C16orf74: variants seen among roughly 807,000 people sequenced by gnomAD.
C16orf74 encodes the protein uncharacterized protein C16orf74.
Under a neutral mutation model 6.5 loss-of-function variants are expected in C16orf74, and 10 were observed. That is an observed-to-expected ratio of 1.54 (90% CI 0.95 to 2.61). The LOEUF (loss-of-function observed/expected upper bound fraction) is 2.61, where lower values mean the gene tolerates loss of function less well. Ranked by LOEUF, C16orf74 falls within the 30% of genes most tolerant of loss-of-function variation. C16orf74 has a pLI of 0.00. For missense variants in C16orf74, 141 were observed against 105.9 expected, an observed-to-expected ratio of 1.33 and a Z score of -1.45; for synonymous variants, 60 against 42.5, an observed-to-expected ratio of 1.41 and a Z score of -1.60.
Position 85,720,440 on chromosome 16 carries a change from G to C in C16orf74, c.29-10133C>G, listed in dbSNP as rs368138330. 5.3e-5 allele frequency among the ~76,000 whole-genome samples: 8 copies of C among 152,122 alleles called. 1 individual carries two copies. Among genetic ancestry groups the C allele is most frequent in the African/African-American group, 1.9e-4 (8 of 41,436 alleles). On this transcript the variant is annotated intron_variant, in intron 2 of 3. Transcript: ENST00000284245. ...GGGCGCTCTGGGAAGGCTGTGGAGGGTGTAGGTACAGTGTGGTGAGCCCAG... is the reference window on the plus strand; with the variant it reads ...GGGCGCTCTGGGAAGGCTGTGGAGGCTGTAGGTACAGTGTGGTGAGCCCAG...
At chr16:85,738,370 G>T (rs559034242) in intron 1 of C16orf74, among the ~76,000 whole-genome samples, 2 of 149,238 alleles carry the variant, frequency 1.3e-5, no homozygotes, top group African/African-American at 5.0e-5. Context: ...TGTTGCCCAG[G>T]CTGGAGTGCA....
chr16:85,734,888 C>G (rs991384417), intron 2 of C16orf74, among the ~76,000 whole-genome samples: 3 of 152,168 alleles, frequency 2.0e-5, no homozygotes, highest in African/African-American at 4.8e-5. Context: ...CTGGCTCCTT[C>G]GCAAAGGCCT....
At chr16:85,711,623 CAAAAAAA>C (rs57336507) in intron 2 of C16orf74, among the ~76,000 whole-genome samples, 36,425 of 111,486 alleles carry the variant, frequency 0.33, 5,435 homozygotes, top group Non-Finnish European at 0.42. Flanking sequence ...AACTCTGTCT[CAAAAAAA>C]AAAAAAAAAA....
intron 1 of C16orf74, chr16:85,743,474 A>G (rs1469754355): frequency 6.6e-6 from 1 of 152,208 alleles, no homozygotes; most frequent in African/African-American, 2.4e-5. Flanking sequence ...AGCGACTCCC[A>G]GCACCCAGGG....
rs779183719 is a variant in C16orf74, at chr16:85,710,228, G to A, written c.108C>T (p.Pro36=). ...GGGTGGGGGGCGTGATGATGATGTC[G>A]GGCACGTCCAGGTGCTTGTCGTTCA... ...PVLNDKHLDV[P]DIIITPPTPT... The change falls in exon 3 of 4, where the codon CCC becomes CCT. Residue 36 remains proline, a synonymous_variant. Transcript: ENST00000284245. The A allele has an allele frequency of 1.7e-5, 25 of 1,502,718 alleles. No homozygotes were observed. The East Asian group carries it at 2.2e-4, about 13-fold the overall frequency. 93.1% of individuals were successfully genotyped at this position (1,502,718 alleles called of 1,614,324 possible).
intron 2 of C16orf74, among the ~76,000 whole-genome samples, chr16:85,717,013 T>G (rs932364893): frequency 2.0e-5 from 3 of 152,130 alleles, no homozygotes; most frequent in African/African-American, 7.2e-5. Flanking sequence ...GTCCCAAGGC[T>G]TCAGAAGGAT....
chr16:85,721,360 A>G (rs1379082260), intron 2 of C16orf74, among the ~76,000 whole-genome samples: 1 of 152,138 alleles, frequency 6.6e-6, no homozygotes, highest in Non-Finnish European at 1.5e-5. Context: ...AATGTTTAGC[A>G]GTGTCCCTGG....
chr16:85,719,103 A>G (rs2054053434), intron 2 of C16orf74, among the ~76,000 whole-genome samples: 1 of 152,152 alleles, frequency 6.6e-6, no homozygotes, highest in Non-Finnish European at 1.5e-5. Flanking sequence ...GGGCTTTCTC[A>G]CCTGCAGAGC....
intron 2 of C16orf74, among the ~76,000 whole-genome samples, chr16:85,732,712 A>G (rs578090347): frequency 7.2e-6 from 1 of 138,388 alleles, no homozygotes; most frequent in African/African-American, 2.6e-5. Flanking sequence ...CCTAATCCCC[A>G]TTCCCCAAGT....
At chr16:85,739,051 AG>A (rs1188078220) in intron 1 of C16orf74, among the ~76,000 whole-genome samples, 3 of 152,200 alleles carry the variant, frequency 2.0e-5, no homozygotes, top group Admixed American at 1.3e-4. Context: ...CAGAGCTTCC[AG>A]GAACAGGGGA....
rs1174669000 is a variant in C16orf74 at position 85,710,275 on chromosome 16, T to C, written c.61A>G (p.Ser21Gly). ...FQMCVSSSSS[S>G]HDEAPVLNDK... ...TTCAGGACGGGGGCCTCGTCGTGGCTGCTGCTGCTGCTGCTGACACACATT... is the reference window on the plus strand; with the variant it reads ...TTCAGGACGGGGGCCTCGTCGTGGCCGCTGCTGCTGCTGCTGACACACATT... Residue 21 changes from serine (S) to glycine (G), a missense_variant, in exon 3 of 4, where the codon AGC (serine) becomes GGC (glycine). Ser to Gly is a moderately conservative substitution (Grantham distance 56). Coordinates refer to ENST00000284245, the MANE Select transcript of C16orf74 (RefSeq NM_206967.3). 5.0e-6 allele frequency: 7 copies of C among 1,399,820 alleles called. No homozygotes were observed. Among genetic ancestry groups the C allele is most frequent in the Non-Finnish European group, 6.6e-6 (7 of 1,063,782 alleles). 86.7% of individuals were successfully genotyped at this position (1,399,820 alleles called of 1,614,324 possible). A position where few individuals can be genotyped will look rare whatever the true frequency, so the allele number is the denominator to read the frequency against.
chr16:85,720,041 G>A (rs2054066928), intron 2 of C16orf74, among the ~76,000 whole-genome samples: 2 of 151,572 alleles, frequency 1.3e-5, no homozygotes, highest in African/African-American at 2.4e-5. Context: ...GGTTCCAGAT[G>A]CGTTTAATCT....
chr16:85,723,905 C>T (rs1275142750), intron 2 of C16orf74, among the ~76,000 whole-genome samples: 3 of 152,214 alleles, frequency 2.0e-5, no homozygotes, highest in East Asian at 1.9e-4. Flanking sequence ...GGAGGGCAGC[C>T]GCGATGCCCT....
At chr16:85,723,458 T>A (rs1057317972) in intron 2 of C16orf74, among the ~76,000 whole-genome samples, 4 of 151,840 alleles carry the variant, frequency 2.6e-5, no homozygotes, top group African/African-American at 9.7e-5. Context: ...AAGCATGAAC[T>A]TCTCCTGAGG....
chr16:85,711,240 C>T (rs1468017781), intron 2 of C16orf74, among the ~76,000 whole-genome samples: 4 of 148,724 alleles, frequency 2.7e-5, no homozygotes, highest in Admixed American at 6.8e-5. Context: ...CACTTAAACC[C>T]GGGAGGCAGA....
At chr16:85,735,148 C>T (rs2054230228) in intron 2 of C16orf74, 42 bp downstream of exon 2, 1 of 1,584,140 alleles carries the variant, frequency 6.3e-7, no homozygotes, top group Non-Finnish European at 8.6e-7. Context: ...CCAGCACCCC[C>T]TCTGCCATGA....
At chr16:85,726,718 T>C (rs1325473872) in intron 2 of C16orf74, among the ~76,000 whole-genome samples, 1 of 152,098 alleles carries the variant, frequency 6.6e-6, no homozygotes, top group East Asian at 1.9e-4. Flanking sequence ...GGAATGAACG[T>C]TTTTCTCACC....
At position 85,736,341 on chromosome 16, in the gene C16orf74, G is replaced by A. The variant is rs558627173; in HGVS notation, c.-18-1106C>T. ...GGTGGATTGGTAGCATCAGCAACCC[G>A]GAGGCTGGGGAGCAAGGCAGCAGCT... On this transcript the variant is annotated intron_variant, in intron 1 of 3. Coordinates refer to ENST00000284245, the MANE Select transcript of C16orf74 (RefSeq NM_206967.3). Among the ~76,000 whole-genome samples the A allele has an allele frequency of 2.4e-3, 367 of 152,278 alleles. 1 individual carries two copies. The highest frequency in any genetic ancestry group is 4.2e-3 in the Non-Finnish European group (285 of 68,022).
chr16:85,743,489 C>G (rs2054333130), intron 1 of C16orf74: 1 of 152,218 alleles, frequency 6.6e-6, no homozygotes, highest in African/African-American at 2.4e-5. Context: ...CCAGGGCTAG[C>G]AAGCTACAGC....
Sources: gnomAD v4.1 joint callset for allele counts (sites outside exome capture counted in the v4.1 genomes callset) on GRCh38, gnomAD v4.1.1 for gene constraint, MANE v1.5 for transcripts, NCBI Gene and HGNC (gene_info 2026-07-23, HGNC 2026-07-21) for gene names.